PARP8: variants seen among roughly 807,000 people sequenced by gnomAD.
PARP8 encodes protein mono-ADP-ribosyltransferase PARP8.
Under a neutral mutation model 124.1 loss-of-function variants are expected in PARP8, and 51 were observed. The ratio of observed to expected loss-of-function variants is 0.41; its 90% CI spans 0.33 to 0.52. The LOEUF is 0.52. PARP8 is among the 20% of genes least tolerant of loss of function. PARP8 has a pLI of 0.21. For missense variants in PARP8, 860 were observed against 1,018.9 expected (o/e 0.84, Z 2.12); for synonymous variants, 391 against 361.5 (o/e 1.08, Z -0.93).
chr5:50,739,435 C>A (rs1052805534), intron 2 of PARP8, among the ~76,000 whole-genome samples: 7 of 151,816 alleles, frequency 4.6e-5, no homozygotes, highest in Non-Finnish European at 1.0e-4. Context: ...TTTTTTTGAT[C>A]ATCTCCTCTC....
chr5:50,727,359 C>G (rs113471688), intron 2 of PARP8, among the ~76,000 whole-genome samples: 31 of 152,222 alleles, frequency 2.0e-4, no homozygotes, highest in African/African-American at 7.5e-4. Context: ...ACTTCCCACC[C>G]GGACTTGGTG....
intron 2 of PARP8, among the ~76,000 whole-genome samples, chr5:50,705,189 T>G (rs1325064143): frequency 1.3e-5 from 2 of 152,176 alleles, no homozygotes; most frequent in Non-Finnish European, 2.9e-5. Context: ...CAAGAGAATA[T>G]GTGATTTTAG....
chr5:50,738,081 G>A (rs887244208), intron 2 of PARP8, among the ~76,000 whole-genome samples: 3 of 152,138 alleles, frequency 2.0e-5, no homozygotes, highest in Non-Finnish European at 4.4e-5. Context: ...TATTGCCCTC[G>A]TTAGTTGCTG....
chr5:50,691,487 C>G (rs1289254411), intron 2 of PARP8, among the ~76,000 whole-genome samples: 1 of 152,148 alleles, frequency 6.6e-6, no homozygotes, highest in African/African-American at 2.4e-5. Context: ...TCCTAGGCCC[C>G]TTTTATAGAA....
chr5:50,788,148 T>C (rs1204516373), intron 9 of PARP8, among the ~76,000 whole-genome samples: 2 of 148,184 alleles, frequency 1.3e-5, no homozygotes, highest in Admixed American at 6.8e-5. Flanking sequence ...TTGGAGATCA[T>C]TCTTTCTTAC....
chr5:50,760,723 A>C (rs1438876551), intron 5 of PARP8, among the ~76,000 whole-genome samples: 1 of 152,116 alleles, frequency 6.6e-6, no homozygotes, highest in Non-Finnish European at 1.5e-5. Flanking sequence ...AAAATTTTAA[A>C]AGATGATTTC....
At chr5:50,668,834 C>G (rs1749668582) in intron 2 of PARP8, 1 of 152,224 alleles carries the variant, frequency 6.6e-6, no homozygotes, top group Admixed American at 6.5e-5. Context: ...GATTTTCTTC[C>G]TTTTAGCCCT....
chr5:50,795,112 G>A lies in PARP8; in HGVS notation c.1123G>A (p.Glu375Lys). The change falls in exon 12 of 26, where the codon GAA (glutamate) becomes AAA (lysine). Residue 375 changes from glutamate (E) to lysine (K), a missense_variant. This residue lies in a region of PARP8 where 517 missense variants were observed against 544.2 expected (regional missense o/e 0.95). Coordinates refer to ENST00000281631, the MANE Select transcript of PARP8 (RefSeq NM_024615.4). ...RPCPAAVKSE[E>K]CLTLKSHRLL... The stretch of plus-strand genomic sequence containing the variant: ...TTGCCCTGCAGCTGTTAAGTCAGAG[G>A]AATGCCTAACTCTAAAGTCGCATAG... 1 of 1,614,184 alleles carries A rather than the reference G, an allele frequency of 6.2e-7. No individual in the cohort carries two copies. Among genetic ancestry groups the A allele is most frequent in the Non-Finnish European group, 8.5e-7 (1 of 1,180,032 alleles).
chr5:50,818,008 C>T (rs529939439), intron 15 of PARP8, among the ~76,000 whole-genome samples: 2 of 152,196 alleles, frequency 1.3e-5, no homozygotes, highest in East Asian at 3.9e-4. Flanking sequence ...GCATTTCCAT[C>T]CTAAGTATCT....
chr5:50,815,437 C>A lies in PARP8; in HGVS notation c.1581C>A (p.Thr527=), dbSNP rs372825758. 28 of 1,573,080 alleles carry A rather than the reference C, an allele frequency of 1.8e-5. No individual in the cohort carries two copies. The highest frequency in any genetic ancestry group is 1.7e-4 in the Admixed American group (9 of 52,506). Residue 527 remains threonine, a synonymous_variant, in exon 15 of 26, where the codon ACC becomes ACA. Transcript: ENST00000281631. ...VFQNGPMLRP[T]VCERELCVFA... ...GATTCCTTTTTCTTTTGTAGCCTAC[C>A]GTATGTGAACGGGAGCTGTGTGTGT...
At chr5:50,811,489 T>C (rs1213875658) in intron 14 of PARP8, among the ~76,000 whole-genome samples, 1 of 152,096 alleles carries the variant, frequency 6.6e-6, no homozygotes, top group African/African-American at 2.4e-5. Context: ...AATAACTGTG[T>C]CTATCGCATT....
chr5:50,709,955 T>TATATATATATATACAC lies in PARP8; in HGVS notation c.147-40195_147-40194insTATATATATATACACA, dbSNP rs149858890. Among the ~76,000 whole-genome samples, 71 of 103,288 alleles carry TATATATATATATACAC rather than the reference T, an allele frequency of 6.9e-4. 1 individual carries two copies. The highest frequency in any genetic ancestry group is 4.9e-3 in the Middle Eastern group (1 of 204). The allele number at this position is 103,288 out of a possible 152,430, so 67.8% of individuals were successfully genotyped here. ...ATATATATATATATATATATATATA[T>TATATATATATATACAC]ACACATACATATATACACACACACA... On this transcript the variant is annotated intron_variant, in intron 2 of 25. Coordinates refer to ENST00000281631, the MANE Select transcript of PARP8 (RefSeq NM_024615.4).
intron 6 of PARP8, among the ~76,000 whole-genome samples, chr5:50,762,677 C>T (rs766420642): frequency 3.3e-5 from 5 of 152,178 alleles, no homozygotes; most frequent in Non-Finnish European, 7.4e-5. Context: ...TGCAAGGCTA[C>T]AGAGAGATGG....
intron 25 of PARP8, among the ~76,000 whole-genome samples, chr5:50,836,718 A>G (rs1479067089): frequency 6.6e-6 from 1 of 152,186 alleles, no homozygotes; most frequent in Non-Finnish European, 1.5e-5. Flanking sequence ...ATTTAGCACA[A>G]TGCAGGTCTT....
chr5:50,708,767 A>T lies in PARP8; in HGVS notation c.146+40642A>T, dbSNP rs182954527. 1.6e-4 allele frequency among the ~76,000 whole-genome samples: 24 copies of T among 148,290 alleles called. No homozygotes were observed. The East Asian group carries it at 4.8e-3, about 29-fold the overall frequency. ...CACTGTGGAGACTCCTGTCTTAGGAATTTTTTTTTTTCAATTATTGTTATT... is the reference window on the plus strand; with the variant it reads ...CACTGTGGAGACTCCTGTCTTAGGATTTTTTTTTTTTCAATTATTGTTATT... On this transcript the variant is annotated intron_variant, in intron 2 of 25. Transcript: ENST00000281631.
At chr5:50,834,641 C>T (rs916908242) in intron 24 of PARP8, among the ~76,000 whole-genome samples, 1 of 152,138 alleles carries the variant, frequency 6.6e-6, no homozygotes, top group Non-Finnish European at 1.5e-5. Context: ...AGGACATGAA[C>T]TTGCTGTCTA....
chr5:50,828,381 G>A lies in PARP8; in HGVS notation c.2160G>A (p.Leu720=). The A allele has an allele frequency of 1.2e-6, 2 of 1,611,272 alleles. No homozygotes were observed. The highest frequency in any genetic ancestry group is 8.5e-7 in the Non-Finnish European group (1 of 1,177,904). ...TGGTTGTTGCTTCTAATACACGATTGCAGGTAGATTTTCTGAATGCTTTCA... is the reference window on the plus strand; with the variant it reads ...TGGTTGTTGCTTCTAATACACGATTACAGGTAGATTTTCTGAATGCTTTCA... ...NGLVVASNTR[L]QLHGAMYGSG... Residue 720 remains leucine (L), a synonymous_variant, in exon 21 of 26, where the codon TTG becomes TTA. Transcript: ENST00000281631.
intron 17 of PARP8, among the ~76,000 whole-genome samples, chr5:50,824,703 G>A (rs1331066835): frequency 1.3e-5 from 2 of 151,954 alleles, no homozygotes; most frequent in African/African-American, 2.4e-5. Context: ...ACAGTGTTTG[G>A]GCAAGTCATT....
chr5:50,748,860 C>T (rs745592861), intron 2 of PARP8, among the ~76,000 whole-genome samples: 28 of 152,188 alleles, frequency 1.8e-4, no homozygotes, highest in Non-Finnish European at 2.6e-4. Context: ...TTATTCAACA[C>T]ATCTTTGTCT....
Sources: allele counts gnomAD v4.1 joint callset (sites outside exome capture counted in the v4.1 genomes callset), GRCh38; gene constraint gnomAD v4.1.1; regional missense constraint gnomAD v4.1.1; transcripts MANE v1.5; gene names NCBI Gene and HGNC (gene_info 2026-07-23, HGNC 2026-07-21).